Variants in ZFP1 observed in about 807,000 individuals in gnomAD.
The protein encoded by ZFP1 is ZFP1 zinc finger protein.
Under a neutral mutation model 38.5 loss-of-function variants are expected in ZFP1, and 32 were observed. That is an observed-to-expected ratio of 0.83 (90% confidence interval 0.63 to 1.12). The LOEUF (loss-of-function observed/expected upper bound fraction) is 1.12. Among genes scored for constraint, ZFP1 ranks in the 50% most tolerant of loss-of-function variants. The probability of loss-of-function intolerance (pLI) is 0.00; values close to 1 mark genes in which losing one functional copy is unlikely to be tolerated. For synonymous variants in ZFP1, 245 were observed against 168.8 expected (o/e 1.45, Z -3.50); for missense variants, 616 against 480.8 (o/e 1.28, Z -2.63).
At chr16:75,154,807 A>T (rs1597045418) in intron 2 of ZFP1, among the ~76,000 whole-genome samples, 1 of 151,090 alleles carries the variant, frequency 6.6e-6, no homozygotes, top group South Asian at 2.1e-4. Context: ...TTTAATTTTT[A>T]TTTTTTTTGA....
intron 2 of ZFP1, among the ~76,000 whole-genome samples, chr16:75,153,287 C>T (rs1374091528): frequency 6.6e-6 from 1 of 152,156 alleles, no homozygotes; most frequent in Admixed American, 6.6e-5. Context: ...ATATAACATT[C>T]CTCAGTGCAA....
intron 2 of ZFP1, among the ~76,000 whole-genome samples, chr16:75,158,896 T>C (rs1305104787): frequency 1.4e-5 from 2 of 147,286 alleles, no homozygotes; most frequent in Non-Finnish European, 3.0e-5. Flanking sequence ...TTGATTGTTT[T>C]TGTCTTGTCT....
At chr16:75,157,679 CAT>C (rs2037537950) in intron 2 of ZFP1, among the ~76,000 whole-genome samples, 2 of 152,166 alleles carry the variant, frequency 1.3e-5, no homozygotes, top group African/African-American at 4.8e-5. Flanking sequence ...TGTGTGCACA[CAT>C]ATGATTCTGT....
At chr16:75,154,788 AT>A (rs1340337230) in intron 2 of ZFP1, among the ~76,000 whole-genome samples, 2 of 151,764 alleles carry the variant, frequency 1.3e-5, no homozygotes, top group Non-Finnish European at 2.9e-5. Context: ...CATTTTATTT[AT>A]TTATGTTTTT....
intron 2 of ZFP1, among the ~76,000 whole-genome samples, chr16:75,162,097 T>C (rs796921649): frequency 1.6e-4 from 24 of 151,852 alleles, no homozygotes; most frequent in African/African-American, 5.8e-4. Context: ...AATATTTTTA[T>C]GTATTAAAAC....
upstream of ZFP1, among the ~76,000 whole-genome samples, chr16:75,147,479 G>A (rs1019871277): frequency 6.7e-6 from 1 of 150,098 alleles, no homozygotes; most frequent in African/African-American, 2.5e-5. Context: ...AAGAGATGAG[G>A]TTTCACCATT....
At chr16:75,167,245 T>C (rs2038141917) in intron 3 of ZFP1, among the ~76,000 whole-genome samples, 1 of 152,228 alleles carries the variant, frequency 6.6e-6, no homozygotes, top group South Asian at 2.1e-4. Flanking sequence ...GTGGAATTAG[T>C]ATCCAGACGA....
At chr16:75,164,812 T>TATTA (rs34996995) in intron 2 of ZFP1, among the ~76,000 whole-genome samples, 1 of 149,360 alleles carries the variant, frequency 6.7e-6, no homozygotes, top group African/African-American at 2.4e-5. Context: ...TCCATAAGTT[T>TATTA]TTTTTTTTTT....
the ZFP1 span, among the ~76,000 whole-genome samples, chr16:75,136,784 C>T: frequency 6.6e-6 from 1 of 152,050 alleles, no homozygotes; most frequent in South Asian, 2.1e-4. Flanking sequence ...GGCAGGAAGA[C>T]TGCTTGAGTC....
chr16:75,160,701 C>T (rs1459259268), intron 2 of ZFP1, among the ~76,000 whole-genome samples: 3 of 150,726 alleles, frequency 2.0e-5, no homozygotes, highest in Admixed American at 6.6e-5. Flanking sequence ...TCTCACAGTT[C>T]TAGAAGCTGA....
the ZFP1 span, among the ~76,000 whole-genome samples, chr16:75,132,830 T>C: frequency 1.3e-5 from 2 of 151,508 alleles, no homozygotes; most frequent in African/African-American, 4.8e-5. Context: ...CTAGTATTTT[T>C]TTTTTTTTTA....
At chr16:75,130,874 C>T in the ZFP1 span, among the ~76,000 whole-genome samples, 2 of 151,182 alleles carry the variant, frequency 1.3e-5, no homozygotes, top group East Asian at 1.9e-4. Flanking sequence ...CGGCCTAAAA[C>T]GCTTCAGTGG....
At chr16:75,128,630 A>G in the ZFP1 span, among the ~76,000 whole-genome samples, 1 of 152,160 alleles carries the variant, frequency 6.6e-6, no homozygotes, top group Non-Finnish European at 1.5e-5. Flanking sequence ...AATGTTTTCA[A>G]ATTTTTCCTT....
At chr16:75,121,752 T>G in the ZFP1 span, among the ~76,000 whole-genome samples, 3 of 152,224 alleles carry the variant, frequency 2.0e-5, no homozygotes, top group African/African-American at 7.2e-5. Flanking sequence ...ATAAAAGTGC[T>G]CGAATGAAAT....
At chr16:75,142,079 T>A in the ZFP1 span, among the ~76,000 whole-genome samples, 2 of 135,752 alleles carry the variant, frequency 1.5e-5, no homozygotes, top group African/African-American at 5.6e-5. Context: ...AAAAAGAGGC[T>A]GGGCGCGGTG....
chr16:75,123,455 GTATA>G, the ZFP1 span, among the ~76,000 whole-genome samples: 146 of 87,268 alleles, frequency 1.7e-3, no homozygotes, highest in South Asian at 7.3e-3. Flanking sequence ...GTGTGTATAT[GTATA>G]TATATATATA....
chr16:75,160,309 G>T (rs1158658288), intron 2 of ZFP1, among the ~76,000 whole-genome samples: 2 of 152,100 alleles, frequency 1.3e-5, no homozygotes, highest in Non-Finnish European at 1.5e-5. Flanking sequence ...AAGGTGGGTG[G>T]ATCCCTTGAG....
chr16:75,166,720 C>G (rs771088028), intron 2 of ZFP1, 50 bp from the exon 3 acceptor site: 2 of 1,613,456 alleles, frequency 1.2e-6, no homozygotes, highest in African/African-American at 1.3e-5. Context: ...TCTATCCTTT[C>G]TATATCACCA....
upstream of ZFP1, among the ~76,000 whole-genome samples, chr16:75,146,789 A>T (rs1597023404): frequency 6.6e-6 from 1 of 151,996 alleles, no homozygotes. Context: ...AAATACAAAA[A>T]ATTACCCAGG....
Sources: allele counts gnomAD v4.1 joint callset (sites outside exome capture counted in the v4.1 genomes callset), GRCh38; gene constraint gnomAD v4.1.1; transcripts MANE v1.5; gene names NCBI Gene and HGNC (gene_info 2026-07-23, HGNC 2026-07-21).